VWA8: variants seen among roughly 807,000 people sequenced by gnomAD.
VWA8 encodes the protein von Willebrand factor A domain-containing protein 8.
Under a neutral mutation model 241.5 loss-of-function variants are expected in VWA8, and 221 were observed. The observed-to-expected ratio is 0.91, with a 90% confidence interval of 0.82 to 1.02. The LOEUF (loss-of-function observed/expected upper bound fraction) is 1.02, where lower values mean the gene tolerates loss of function less well. Among genes scored for constraint, VWA8 ranks in the 50% least tolerant of loss-of-function variants. The pLI is 0.00. For synonymous variants in VWA8, 852 were observed against 827.1 expected (o/e 1.03, Z -0.52); for missense variants, 2,322 against 2,328.7 (o/e 1.00, Z 0.06).
intron 17 of VWA8, among the ~76,000 whole-genome samples, chr13:41,788,527 A>T (rs1179941156): frequency 6.6e-6 from 1 of 152,196 alleles, no homozygotes; most frequent in African/African-American, 2.4e-5. Context: ...TGATAGAGGA[A>T]ATTACATAGC....
At chr13:41,735,775 A>G (rs1285797401) in intron 21 of VWA8, among the ~76,000 whole-genome samples, 1 of 152,154 alleles carries the variant, frequency 6.6e-6, no homozygotes, top group Non-Finnish European at 1.5e-5. Context: ...TTTCCAAGAT[A>G]TACTATAAAA....
chr13:41,790,911 A>G (rs1869427652), intron 17 of VWA8, among the ~76,000 whole-genome samples: 1 of 151,876 alleles, frequency 6.6e-6, no homozygotes, highest in African/African-American at 2.4e-5. Flanking sequence ...GCATAAATAT[A>G]TGAGTGATAT....
rs2045596277 is a variant in VWA8, at chr13:41,745,240, T to C, written c.2427-13085A>G. On this transcript the variant is annotated intron_variant, in intron 21 of 44. Transcript: ENST00000379310. Reference sequence around the variant, plus strand: ...GTGCCATGTTGGTGTGCTGCACCCATTAACTTGTCATTTACATTAGGTATT... The same window carrying C: ...GTGCCATGTTGGTGTGCTGCACCCACTAACTTGTCATTTACATTAGGTATT... Among the ~76,000 whole-genome samples the C allele has an allele frequency of 2.6e-5, 4 of 152,244 alleles. No individual in the cohort carries two copies. The South Asian group carries it at 8.3e-4, about 32-fold the overall frequency.
intron 2 of VWA8, among the ~76,000 whole-genome samples, chr13:41,915,847 A>G (rs772180555): frequency 2.6e-5 from 4 of 152,222 alleles, no homozygotes; most frequent in Non-Finnish European, 4.4e-5. Flanking sequence ...CAAAGAAAAT[A>G]CATTTTCCCT....
chr13:41,898,652 C>G (rs960048468), intron 4 of VWA8, among the ~76,000 whole-genome samples: 1 of 152,224 alleles, frequency 6.6e-6, no homozygotes, highest in Non-Finnish European at 1.5e-5. Flanking sequence ...CCGGGAGGCT[C>G]GGGCTGCACA....
intron 38 of VWA8, among the ~76,000 whole-genome samples, chr13:41,613,937 CA>C (rs1254447499): frequency 6.6e-6 from 1 of 152,194 alleles, no homozygotes; most frequent in Non-Finnish European, 1.5e-5. Flanking sequence ...AATGTAGCCT[CA>C]ATCTGGACAG....
chr13:41,919,079 C>T (rs536333856), intron 2 of VWA8, among the ~76,000 whole-genome samples: 41 of 152,084 alleles, frequency 2.7e-4, no homozygotes, highest in Admixed American at 4.6e-4. Flanking sequence ...AATGAAAAAA[C>T]GACATTTCCA....
At chr13:41,735,758 C>T (rs974843324) in intron 21 of VWA8, among the ~76,000 whole-genome samples, 7 of 152,060 alleles carry the variant, frequency 4.6e-5, no homozygotes, top group African/African-American at 1.2e-4. Flanking sequence ...TAAGAAAAAA[C>T]GCTTGATTTC....
chr13:41,907,721 T>A, intron 3 of VWA8, 25 bp from the exon 4 acceptor site: 1 of 1,595,540 alleles, frequency 6.3e-7, no homozygotes, highest in Non-Finnish European at 8.6e-7. Context: ...ATGAAATTAT[T>A]CCAAAAATAA....
intron 19 of VWA8, among the ~76,000 whole-genome samples, chr13:41,779,220 A>C (rs937494304): frequency 1.4e-5 from 2 of 147,888 alleles, no homozygotes; most frequent in Non-Finnish European, 3.0e-5. Context: ...TAATATATAG[A>C]TATAAAAATA....
At chr13:41,715,973 G>T (rs1331770699) in intron 26 of VWA8, among the ~76,000 whole-genome samples, 1 of 151,852 alleles carries the variant, frequency 6.6e-6, no homozygotes, top group Non-Finnish European at 1.5e-5. Flanking sequence ...CCCATATAAA[G>T]CATAGTATTC....
At chr13:41,663,852 C>T (rs1380187300) in intron 37 of VWA8, among the ~76,000 whole-genome samples, 2 of 150,804 alleles carry the variant, frequency 1.3e-5, no homozygotes, top group Admixed American at 6.6e-5. Flanking sequence ...TAAATTGAAC[C>T]GTCGTTAAGT....
chr13:41,881,908 C>T (rs1874232386), intron 9 of VWA8, among the ~76,000 whole-genome samples: 3 of 146,728 alleles, frequency 2.0e-5, no homozygotes, highest in Admixed American at 1.3e-4. Flanking sequence ...CGGGGGCTGA[C>T]CCCCACCTCC....
At chr13:41,747,223 T>C (rs976400466) in intron 21 of VWA8, among the ~76,000 whole-genome samples, 6 of 152,176 alleles carry the variant, frequency 3.9e-5, no homozygotes, top group Non-Finnish European at 5.9e-5. Context: ...ATTCTTCCTA[T>C]CCATGAGCAT....
intron 14 of VWA8, among the ~76,000 whole-genome samples, chr13:41,829,561 A>ACACACG (rs1327652659): frequency 7.1e-6 from 1 of 141,220 alleles, no homozygotes; most frequent in East Asian, 2.0e-4. Context: ...ACACACACAC[A>ACACACG]CACACATGCA....
intron 4 of VWA8, among the ~76,000 whole-genome samples, chr13:41,906,415 T>C (rs539653445): frequency 1.1e-4 from 16 of 152,132 alleles, no homozygotes; most frequent in Non-Finnish European, 2.2e-4. Flanking sequence ...CAAACATATA[T>C]GCATTTCTTG....
intron 2 of VWA8, among the ~76,000 whole-genome samples, chr13:41,946,558 T>G (rs1877858644): frequency 6.6e-6 from 1 of 152,252 alleles, no homozygotes; most frequent in African/African-American, 2.4e-5. Flanking sequence ...GAGTAGTTTA[T>G]ATACTATTGA....
chr13:41,816,624 G>A (rs1056159423), intron 16 of VWA8, 74 bp downstream of exon 16: 11 of 1,387,312 alleles, frequency 7.9e-6, no homozygotes, highest in Non-Finnish European at 9.1e-6. Flanking sequence ...TAGATTTTAA[G>A]TACTGAATTC....
chr13:41,864,989 C>CAA (rs35515775), intron 12 of VWA8, among the ~76,000 whole-genome samples: 957 of 74,968 alleles, frequency 0.013, 26 homozygotes, highest in African/African-American at 0.05. Flanking sequence ...AACTCCATCT[C>CAA]AAAAAAAAAA....
Sources: allele counts gnomAD v4.1 joint callset (sites outside exome capture counted in the v4.1 genomes callset), GRCh38; gene constraint gnomAD v4.1.1; transcripts MANE v1.5; gene names NCBI Gene and HGNC (gene_info 2026-07-23, HGNC 2026-07-21).